GATB: variants seen among roughly 807,000 people sequenced by gnomAD.
GATB encodes the protein glutamyl-tRNA(Gln) amidotransferase subunit B, mitochondrial.
Under a neutral mutation model 62.3 loss-of-function variants are expected in GATB, and 39 were observed. The observed-to-expected ratio is 0.63, with a 90% CI of 0.48 to 0.82. The LOEUF (loss-of-function observed/expected upper bound fraction) is 0.82. Ranked by LOEUF, GATB falls within the 40% of genes least tolerant of loss-of-function variation. The probability of loss-of-function intolerance (pLI) is 0.00; values close to 1 mark genes in which losing one functional copy is unlikely to be tolerated. For synonymous variants in GATB, 276 were observed against 258.9 expected (o/e 1.07, Z -0.63); for missense variants, 670 against 684.0 (o/e 0.98, Z 0.23).
chr4:151,748,800 T>G (rs1485080736), intron 2 of GATB, among the ~76,000 whole-genome samples: 1 of 151,842 alleles, frequency 6.6e-6, no homozygotes, highest in Non-Finnish European at 1.5e-5. Flanking sequence ...TACAAAGAAC[T>G]CAAACAAATT....
At chr4:151,716,833 A>G in intron 4 of GATB, 43 bp downstream of exon 4, 2 of 1,584,028 alleles carry the variant, frequency 1.3e-6, no homozygotes, top group Non-Finnish European at 1.7e-6. Flanking sequence ...CTATCCAAGA[A>G]CTGAAGTAGG....
intron 2 of GATB, among the ~76,000 whole-genome samples, chr4:151,727,508 TG>T (rs1325682134): frequency 6.6e-6 from 1 of 152,230 alleles, no homozygotes; most frequent in Non-Finnish European, 1.5e-5. Context: ...AAGACAAGAC[TG>T]GGTGTGTAGA....
intron 11 of GATB, chr4:151,676,423 TC>T (rs1162119379): frequency 6.6e-6 from 1 of 152,206 alleles, no homozygotes; most frequent in East Asian, 1.9e-4. Context: ...TGCATCTGTT[TC>T]CAGACGTGCA....
At chr4:151,676,609 C>T (rs1738011860) in intron 11 of GATB, 1 of 152,202 alleles carries the variant, frequency 6.6e-6, no homozygotes, top group Admixed American at 6.5e-5. Flanking sequence ...CCAAGCTGAC[C>T]CTGTCTTTAG....
intron 3 of GATB, among the ~76,000 whole-genome samples, chr4:151,718,495 T>C (rs1738959048): frequency 6.6e-6 from 1 of 152,174 alleles, no homozygotes; most frequent in Non-Finnish European, 1.5e-5. Flanking sequence ...CTGTCACTCT[T>C]AAAAGATAAA....
intron 2 of GATB, chr4:151,721,179 A>C (rs927245698): frequency 1.3e-5 from 2 of 152,224 alleles, no homozygotes; most frequent in African/African-American, 4.8e-5. Flanking sequence ...TGGAGGTTGC[A>C]GTGAGCCGAG....
chr4:151,722,127 C>A, intron 2 of GATB: 1 of 686,326 alleles, frequency 1.5e-6, no homozygotes, highest in Admixed American at 2.2e-5. Context: ...GGATCTTAGT[C>A]AAGCTGCTTG....
chr4:151,686,652 GCCCCCCCCCCA>G (rs1738253886), intron 10 of GATB, among the ~76,000 whole-genome samples: 2 of 70,978 alleles, frequency 2.8e-5, no homozygotes, highest in East Asian at 8.8e-4. Context: ...TCCCCGCCCC[GCCCCCCCCCCA>G]CCCCCCAGTT....
At chr4:151,723,550 C>T (rs768153092) in intron 2 of GATB, 2 of 152,224 alleles carry the variant, frequency 1.3e-5, no homozygotes, top group South Asian at 4.1e-4. Context: ...TTTCTTCTTG[C>T]CAGTTTCTCC....
intron 2 of GATB, among the ~76,000 whole-genome samples, chr4:151,731,099 C>A (rs1739235485): frequency 7.4e-6 from 1 of 135,650 alleles, no homozygotes; most frequent in Non-Finnish European, 1.6e-5. Context: ...CCCTCCCCCT[C>A]CCCTTCCCCC....
At chr4:151,725,735 C>T (rs1375864787) in intron 2 of GATB, among the ~76,000 whole-genome samples, 1 of 152,190 alleles carries the variant, frequency 6.6e-6, no homozygotes, top group East Asian at 1.9e-4. Context: ...ATGTGAAATT[C>T]CACTAATTAC....
intron 9 of GATB, among the ~76,000 whole-genome samples, chr4:151,692,041 G>A (rs561729297): frequency 1.3e-5 from 2 of 152,336 alleles, no homozygotes; most frequent in Middle Eastern, 6.8e-3. Context: ...TGAGGCTACT[G>A]CTGCTGCTGA....
chr4:151,752,493 C>T (rs928001636), intron 2 of GATB, among the ~76,000 whole-genome samples: 5 of 152,096 alleles, frequency 3.3e-5, no homozygotes, highest in African/African-American at 9.7e-5. Context: ...TTGTCCAATG[C>T]ACTGCACATT....
At chr4:151,742,600 T>C (rs562408440) in intron 2 of GATB, among the ~76,000 whole-genome samples, 1 of 152,296 alleles carries the variant, frequency 6.6e-6, no homozygotes, top group Non-Finnish European at 1.5e-5. Context: ...GAATTGATAG[T>C]CTGCTCTCAG....
chr4:151,740,279 T>C (rs1739457631), intron 2 of GATB, among the ~76,000 whole-genome samples: 1 of 152,206 alleles, frequency 6.6e-6, no homozygotes, highest in Non-Finnish European at 1.5e-5. Context: ...GAGAAATGCC[T>C]TGTTAGGAGA....
intron 2 of GATB, among the ~76,000 whole-genome samples, chr4:151,726,517 T>C (rs1739140795): frequency 6.6e-6 from 1 of 152,254 alleles, no homozygotes; most frequent in African/African-American, 2.4e-5. Context: ...ATATGTTCTT[T>C]ATCCTTAAGC....
chr4:151,707,871 G>T, intron 6 of GATB, 117 bp downstream of exon 6: 1 of 678,916 alleles, frequency 1.5e-6, no homozygotes, highest in Non-Finnish European at 2.6e-6. Context: ...CCAACAGAAC[G>T]GACCAGTGAA....
chr4:151,741,438 T>G (rs1457451143), intron 2 of GATB, among the ~76,000 whole-genome samples: 1 of 152,184 alleles, frequency 6.6e-6, no homozygotes, highest in Non-Finnish European at 1.5e-5. Context: ...TTGCTCCATA[T>G]CTCATCCATG....
intron 6 of GATB, among the ~76,000 whole-genome samples, chr4:151,707,348 C>T (rs773206104): frequency 1.3e-5 from 2 of 152,116 alleles, no homozygotes; most frequent in Non-Finnish European, 2.9e-5. Flanking sequence ...GGCTAGAGTG[C>T]AGTGGCGTGA....
Sources: allele counts gnomAD v4.1 joint callset (sites outside exome capture counted in the v4.1 genomes callset), GRCh38; gene constraint gnomAD v4.1.1; transcripts MANE v1.5; gene names NCBI Gene and HGNC (gene_info 2026-07-23, HGNC 2026-07-21).